The following DDX10 variants were observed in gnomAD, a reference collection of about 807,000 sequenced individuals.
The protein encoded by DDX10 is probable ATP-dependent RNA helicase DDX10.
Under a neutral mutation model 104.3 loss-of-function variants are expected in DDX10, and 74 were observed. The observed-to-expected ratio is 0.71, with a 90% CI of 0.59 to 0.86. The LOEUF (loss-of-function observed/expected upper bound fraction) is 0.86, where lower values mean the gene tolerates loss of function less well. DDX10 is among the 40% of genes least tolerant of loss of function. The pLI, the probability that DDX10 is intolerant of heterozygous loss-of-function variation, is 0.00. For missense variants in DDX10, 952 were observed against 1,040.0 expected, an observed-to-expected ratio of 0.92 and a Z score of 1.16; for synonymous variants, 351 against 353.4, an observed-to-expected ratio of 0.99 and a Z score of 0.08.
chr11:108,708,443 T>G (rs1436226720), intron 10 of DDX10, among the ~76,000 whole-genome samples: 1 of 151,850 alleles, frequency 6.6e-6, no homozygotes, highest in Non-Finnish European at 1.5e-5. Flanking sequence ...CTTGTTGGAT[T>G]CAATGTGCTA....
At chr11:108,920,815 G>C (rs1244366532) in intron 17 of DDX10, 1 of 152,174 alleles carries the variant, frequency 6.6e-6, no homozygotes, top group Non-Finnish European at 1.5e-5. Context: ...TTTGAGAAAG[G>C]GTATAAGCTG....
chr11:108,919,223 T>A (rs1029323742), intron 17 of DDX10: 1 of 152,194 alleles, frequency 6.6e-6, no homozygotes, highest in South Asian at 2.1e-4. Flanking sequence ...GTTGAACATA[T>A]GAGCTTTATA....
At chr11:108,811,539 T>A (rs1400044207) in intron 13 of DDX10, among the ~76,000 whole-genome samples, 2 of 152,234 alleles carry the variant, frequency 1.3e-5, no homozygotes, top group East Asian at 3.8e-4. Context: ...TCTGCCATGA[T>A]CTGGCATATA....
chr11:108,680,202 T>G (rs1227170556), intron 6 of DDX10, among the ~76,000 whole-genome samples: 1 of 152,168 alleles, frequency 6.6e-6, no homozygotes, highest in East Asian at 1.9e-4. Context: ...ATGCAAGTAG[T>G]TGGGGAAATT....
At chr11:108,853,503 GTTTA>G (rs912183934) in intron 16 of DDX10, among the ~76,000 whole-genome samples, 1 of 151,114 alleles carries the variant, frequency 6.6e-6, no homozygotes, top group African/African-American at 2.4e-5. Context: ...ACTAAATATG[GTTTA>G]TTTTTTATAC....
chr11:108,746,764 G>C (rs560144740), intron 13 of DDX10, among the ~76,000 whole-genome samples: 7 of 152,152 alleles, frequency 4.6e-5, no homozygotes, highest in African/African-American at 1.7e-4. Context: ...ATAGGAAATA[G>C]TATCTTTATG....
At chr11:108,793,509 C>T (rs1282401395) in intron 13 of DDX10, among the ~76,000 whole-genome samples, 1 of 152,066 alleles carries the variant, frequency 6.6e-6, no homozygotes, top group Non-Finnish European at 1.5e-5. Context: ...TCAACAAAAA[C>T]ATTTCAGGTA....
chr11:108,827,466 C>T (rs989695942), intron 13 of DDX10, among the ~76,000 whole-genome samples: 6 of 152,156 alleles, frequency 3.9e-5, no homozygotes, highest in South Asian at 2.1e-4. Context: ...TCTTAATTTA[C>T]GCATTCCCAA....
At chr11:108,697,094 T>C (rs2094260926) in intron 9 of DDX10, among the ~76,000 whole-genome samples, 1 of 152,224 alleles carries the variant, frequency 6.6e-6, no homozygotes, top group Non-Finnish European at 1.5e-5. Context: ...AAAAATGTTT[T>C]AATGTAATTT....
chr11:108,729,534 A>C (rs974407759), intron 13 of DDX10, among the ~76,000 whole-genome samples: 2 of 152,124 alleles, frequency 1.3e-5, no homozygotes, highest in Non-Finnish European at 2.9e-5. Flanking sequence ...TCCTTTTCTC[A>C]GAGTGAAAAA....
At chr11:108,729,862 T>C (rs1450055538) in intron 13 of DDX10, 2 of 152,382 alleles carry the variant, frequency 1.3e-5, no homozygotes, top group Admixed American at 1.3e-4. Context: ...AATTCTTTAA[T>C]GATATCTCTT....
intron 16 of DDX10, among the ~76,000 whole-genome samples, chr11:108,884,221 A>C (rs999256714): frequency 6.6e-6 from 1 of 152,182 alleles, no homozygotes; most frequent in Non-Finnish European, 1.5e-5. Context: ...GATTTCTGCT[A>C]AATCAGTACC....
chr11:108,680,346 C>G (rs1458704048), intron 6 of DDX10, among the ~76,000 whole-genome samples: 1 of 152,204 alleles, frequency 6.6e-6, no homozygotes, highest in Non-Finnish European at 1.5e-5. Flanking sequence ...TCCTGAGTAG[C>G]TGGGACAACC....
intron 10 of DDX10, among the ~76,000 whole-genome samples, chr11:108,708,691 C>T (rs564697845): frequency 1.9e-4 from 29 of 151,966 alleles, no homozygotes; most frequent in Non-Finnish European, 4.1e-4. Flanking sequence ...CCTCAGCCTC[C>T]CAAGAAGCTA....
intron 9 of DDX10, among the ~76,000 whole-genome samples, chr11:108,697,538 G>A (rs1372096561): frequency 6.6e-6 from 1 of 152,090 alleles, no homozygotes; most frequent in Non-Finnish European, 1.5e-5. Context: ...TTGTCTTGAA[G>A]TACCTAATTC....
chr11:108,774,765 G>A (rs148285241), intron 13 of DDX10, among the ~76,000 whole-genome samples: 10 of 152,266 alleles, frequency 6.6e-5, no homozygotes, highest in Admixed American at 5.9e-4. Context: ...AATATAGGCT[G>A]TTAAATATGC....
chr11:108,665,596 A>T (rs2094209107), intron 1 of DDX10, among the ~76,000 whole-genome samples: 1 of 152,244 alleles, frequency 6.6e-6, no homozygotes, highest in South Asian at 2.1e-4. Context: ...AGCTACAGTC[A>T]TATTCATATT....
intron 16 of DDX10, among the ~76,000 whole-genome samples, chr11:108,899,263 T>C (rs1388777956): frequency 6.6e-6 from 1 of 151,976 alleles, no homozygotes; most frequent in African/African-American, 2.4e-5. Context: ...TGTTAAGTTA[T>C]AAATTACTTT....
At chr11:108,788,709 A>G (rs1276649018) in intron 13 of DDX10, among the ~76,000 whole-genome samples, 3 of 152,210 alleles carry the variant, frequency 2.0e-5, no homozygotes, top group Non-Finnish European at 2.9e-5. Flanking sequence ...TATACTGGCA[A>G]AATGTTTTGG....
Sources: allele counts gnomAD v4.1 joint callset (sites outside exome capture counted in the v4.1 genomes callset), GRCh38; gene constraint gnomAD v4.1.1; transcripts MANE v1.5; gene names NCBI Gene and HGNC (gene_info 2026-07-23, HGNC 2026-07-21).